NALF1: variants seen among roughly 807,000 people sequenced by gnomAD.
NALF1 encodes family with sequence similarity 155 member A.
A neutral mutation model predicts 48.4 loss-of-function variants in NALF1; 3 were observed. The ratio of observed to expected loss-of-function variants is 0.06; its 90% CI spans 0.03 to 0.16. NALF1 has a LOEUF of 0.16. Among genes scored for constraint, NALF1 ranks in the 10% least tolerant of loss-of-function variants. The pLI, the probability that NALF1 is intolerant of heterozygous loss-of-function variation, is 1.00. For missense variants in NALF1, 526 were observed against 571.5 expected (o/e 0.92, Z 0.81); for synonymous variants, 262 against 245.7 (o/e 1.07, Z -0.62).
At chr13:107,553,547 A>T (rs1203080799) in intron 1 of NALF1, among the ~76,000 whole-genome samples, 2 of 152,186 alleles carry the variant, frequency 1.3e-5, no homozygotes, top group Non-Finnish European at 2.9e-5. Flanking sequence ...TTTACTATAG[A>T]TTTTTATGAT....
chr13:107,786,630 G>A (rs1245389019), intron 1 of NALF1, among the ~76,000 whole-genome samples: 1 of 151,634 alleles, frequency 6.6e-6, no homozygotes, highest in Non-Finnish European at 1.5e-5. Flanking sequence ...TACTCGGGAG[G>A]CTGAGGCAGA....
chr13:107,333,241 A>T (rs1261698169), intron 1 of NALF1, among the ~76,000 whole-genome samples: 1 of 152,104 alleles, frequency 6.6e-6, no homozygotes, highest in Non-Finnish European at 1.5e-5. Context: ...ACAAACTATA[A>T]CCCATGCCCA....
chr13:107,217,082 A>G (rs989668515), intron 1 of NALF1, among the ~76,000 whole-genome samples: 2 of 152,214 alleles, frequency 1.3e-5, no homozygotes, highest in Non-Finnish European at 1.5e-5. Context: ...TTCCTCATTA[A>G]TAAACGTCTC....
intron 1 of NALF1, among the ~76,000 whole-genome samples, chr13:107,352,691 T>C (rs1184251985): frequency 6.6e-6 from 1 of 152,208 alleles, no homozygotes; most frequent in Non-Finnish European, 1.5e-5. Flanking sequence ...ATGCCATTAC[T>C]GGGGCTTGGA....
chr13:107,296,991 C>A (rs979039421), intron 1 of NALF1, among the ~76,000 whole-genome samples: 15 of 151,992 alleles, frequency 9.9e-5, no homozygotes, highest in African/African-American at 3.4e-4. Flanking sequence ...TGAGTCACCA[C>A]CCAGACCTAC....
At chr13:107,512,220 C>T (rs1875915645) in intron 1 of NALF1, among the ~76,000 whole-genome samples, 1 of 152,104 alleles carries the variant, frequency 6.6e-6, no homozygotes, top group African/African-American at 2.4e-5. Flanking sequence ...TGGTGAAACT[C>T]CGTCTCTACT....
At chr13:107,619,611 T>G (rs1208214978) in intron 1 of NALF1, among the ~76,000 whole-genome samples, 1 of 152,188 alleles carries the variant, frequency 6.6e-6, no homozygotes, top group Non-Finnish European at 1.5e-5. Flanking sequence ...ACCTCAAATT[T>G]GTAAAGACTG....
rs16971206 is a variant in NALF1, at chr13:107,818,577, A to C, written c.915+47105T>G. 5.6e-3 allele frequency among the ~76,000 whole-genome samples: 847 copies of C among 152,142 alleles called. 14 individuals carry two copies. Among genetic ancestry groups the C allele is most frequent in the African/African-American group, 0.019 (809 of 41,506 alleles). ...AACACATGAAATCAGAATTGGTCTT[A>C]AAAATCCAGTTGAGGCCGGGCGCGG... On this transcript the variant is annotated intron_variant, in intron 1 of 2. Transcript: ENST00000375915.
intron 1 of NALF1, among the ~76,000 whole-genome samples, chr13:107,796,760 C>CTTTTCTAAATATCATTTAGAAAATGATA (rs1392848753): frequency 4.6e-5 from 7 of 151,738 alleles, no homozygotes; most frequent in Non-Finnish European, 1.0e-4. Context: ...TATCAGAGTA[C>CTTTTCTAAATATCATTTAGAAAATGATA]TTTTCTAAAA....
intron 1 of NALF1, among the ~76,000 whole-genome samples, chr13:107,227,145 G>A (rs957489454): frequency 1.3e-5 from 2 of 152,182 alleles, no homozygotes; most frequent in African/African-American, 4.8e-5. Context: ...AAGCATTACC[G>A]AAGCTTCTAA....
intron 1 of NALF1, among the ~76,000 whole-genome samples, chr13:107,397,134 C>T (rs1883726606): frequency 6.6e-6 from 1 of 152,108 alleles, no homozygotes; most frequent in South Asian, 2.1e-4. Flanking sequence ...CTGAGCCAGC[C>T]AGCCCAGCAG....
At chr13:107,626,851 G>C (rs1879688249) in intron 1 of NALF1, among the ~76,000 whole-genome samples, 1 of 151,956 alleles carries the variant, frequency 6.6e-6, no homozygotes, top group East Asian at 1.9e-4. Flanking sequence ...AACTATACAG[G>C]TAAAGATGGT....
At chr13:107,298,331 C>CAG (rs1267176805) in intron 1 of NALF1, among the ~76,000 whole-genome samples, 3 of 93,756 alleles carry the variant, frequency 3.2e-5, no homozygotes, top group Middle Eastern at 0.014. Flanking sequence ...GCCTGGGCGA[C>CAG]AGAGAGAGAG....
chr13:107,618,557 G>A (rs1403022383), intron 1 of NALF1, among the ~76,000 whole-genome samples: 1 of 152,174 alleles, frequency 6.6e-6, no homozygotes, highest in Admixed American at 6.5e-5. Context: ...GAAAGCTTTT[G>A]CAGCTCTCAG....
chr13:107,733,656 CT>C (rs999156885), intron 1 of NALF1, among the ~76,000 whole-genome samples: 2 of 152,038 alleles, frequency 1.3e-5, no homozygotes, highest in Non-Finnish European at 1.5e-5. Context: ...CATTTCTAAT[CT>C]ACATAATGAA....
In NALF1 at chr13:107,170,696, A is replaced by T. The variant is rs145827476; in HGVS notation, c.1178T>A (p.Val393Glu). Residue 393 changes from valine to glutamate, a missense_variant, in exon 3 of 3, where the codon GTA becomes GAA. By Grantham distance (121) the Val-to-Glu change is moderately radical. Coordinates refer to ENST00000375915, the MANE Select transcript of NALF1 (RefSeq NM_001080396.3). ...CCTGTGACAGGAGCCACTTTTCTCT[A>T]CGGTCCCTTTGGATGGGTTATTTGA... ...EKSNNPSKGT[V>E]EKSGSCHRTS... 1.4e-5 allele frequency: 23 copies of T among 1,614,054 alleles called. No homozygotes were observed. In the African/African-American group the frequency reaches 2.3e-4, roughly 16 times the overall value.
At chr13:107,456,787 T>G (rs1237963126) in intron 1 of NALF1, among the ~76,000 whole-genome samples, 1 of 152,146 alleles carries the variant, frequency 6.6e-6, no homozygotes, top group Admixed American at 6.5e-5. Context: ...AAAACATATT[T>G]GAAATTACCA....
chr13:107,683,767 A>G (rs1271032485), intron 1 of NALF1, among the ~76,000 whole-genome samples: 1 of 152,128 alleles, frequency 6.6e-6, no homozygotes, highest in Non-Finnish European at 1.5e-5. Context: ...GGATTCCCTT[A>G]TCCTGCACAG....
chr13:107,621,499 A>C (rs2138440890), intron 1 of NALF1, among the ~76,000 whole-genome samples: 1 of 152,336 alleles, frequency 6.6e-6, no homozygotes, highest in South Asian at 2.1e-4. Context: ...AGTCCTAGCA[A>C]CTAGAGAACC....
Sources: allele counts gnomAD v4.1 joint callset (sites outside exome capture counted in the v4.1 genomes callset), GRCh38; gene constraint gnomAD v4.1.1; transcripts MANE v1.5; gene names NCBI Gene and HGNC (gene_info 2026-07-23, HGNC 2026-07-21).